Variants in IPMK observed in about 807,000 individuals in gnomAD.
IPMK encodes inositol 1,3,4,6-tetrakisphosphate 5-kinase.
IPMK carries 17 observed loss-of-function variants against 45.8 expected under a neutral mutation model. The observed-to-expected ratio is 0.37, with a 90% CI of 0.25 to 0.56. The LOEUF (loss-of-function observed/expected upper bound fraction) is 0.56, where lower values mean the gene tolerates loss of function less well. IPMK is among the 20% of genes least tolerant of loss of function. The pLI, the probability that IPMK is intolerant of heterozygous loss-of-function variation, is 0.79. For missense variants in IPMK, 399 were observed against 498.0 expected, an observed-to-expected ratio of 0.80 and a Z score of 1.89; for synonymous variants, 180 against 184.3, an observed-to-expected ratio of 0.98 and a Z score of 0.19.
chr10:58,265,430 T>G (rs1839134535), intron 1 of IPMK, among the ~76,000 whole-genome samples: 1 of 152,194 alleles, frequency 6.6e-6, no homozygotes, highest in Non-Finnish European at 1.5e-5. Context: ...ACATGACTTA[T>G]GACAGTGGAG....
chr10:58,229,047 A>G (rs1838465902), intron 2 of IPMK, among the ~76,000 whole-genome samples: 1 of 152,182 alleles, frequency 6.6e-6, no homozygotes, highest in Non-Finnish European at 1.5e-5. Context: ...ATGGAGAGTA[A>G]ATAAAATTCA....
intron 4 of IPMK, among the ~76,000 whole-genome samples, chr10:58,215,055 A>G (rs1348256410): frequency 6.6e-6 from 1 of 151,884 alleles, no homozygotes; most frequent in Admixed American, 6.6e-5. Flanking sequence ...AAGAACCCTT[A>G]TATTCCTCCT....
chr10:58,228,166 C>T (rs1838449736), intron 2 of IPMK, among the ~76,000 whole-genome samples: 1 of 152,134 alleles, frequency 6.6e-6, no homozygotes, highest in Admixed American at 6.5e-5. Flanking sequence ...CTATTCCTAG[C>T]ACAATGACCG....
chr10:58,197,204 G>A (rs1381460058), intron 5 of IPMK, among the ~76,000 whole-genome samples: 1 of 151,974 alleles, frequency 6.6e-6, no homozygotes, highest in African/African-American at 2.4e-5. Flanking sequence ...GGACGCTGAG[G>A]CAGGAGAATG....
chr10:58,200,497 A>G (rs1213974528), intron 4 of IPMK, among the ~76,000 whole-genome samples: 2 of 152,204 alleles, frequency 1.3e-5, no homozygotes, highest in Non-Finnish European at 2.9e-5. Flanking sequence ...AGCCAAGAAA[A>G]GTTAAAATAA....
chr10:58,260,099 T>C (rs1839039874), intron 1 of IPMK, among the ~76,000 whole-genome samples: 1 of 152,206 alleles, frequency 6.6e-6, no homozygotes, highest in Admixed American at 6.5e-5. Context: ...ACTGACATCC[T>C]ATGTCTTATG....
At chr10:58,219,568 T>G (rs1049195679) in intron 3 of IPMK, among the ~76,000 whole-genome samples, 3 of 152,208 alleles carry the variant, frequency 2.0e-5, no homozygotes, top group African/African-American at 7.2e-5. Context: ...CAGCCTCACT[T>G]ACAAAGCAAT....
intron 1 of IPMK, among the ~76,000 whole-genome samples, chr10:58,263,261 T>C (rs1208985648): frequency 6.6e-6 from 1 of 151,904 alleles, no homozygotes; most frequent in African/African-American, 2.4e-5. Context: ...CAGTGGTTCA[T>C]GCCTGTAATC....
At chr10:58,240,827 C>T (rs1304786878) in intron 1 of IPMK, among the ~76,000 whole-genome samples, 1 of 152,130 alleles carries the variant, frequency 6.6e-6, no homozygotes, top group Non-Finnish European at 1.5e-5. Context: ...AAGTTGCAAA[C>T]ACTTGCAGCA....
intron 3 of IPMK, among the ~76,000 whole-genome samples, chr10:58,226,214 C>T (rs557792113): frequency 6.6e-6 from 1 of 152,262 alleles, no homozygotes; most frequent in South Asian, 2.1e-4. Context: ...AAGACAAGAA[C>T]TGACAAAAGG....
intron 1 of IPMK, among the ~76,000 whole-genome samples, chr10:58,256,559 T>C (rs988330093): frequency 6.6e-6 from 1 of 152,212 alleles, no homozygotes; most frequent in Non-Finnish European, 1.5e-5. Context: ...CCTTCTGCCC[T>C]TGTAATCTTT....
intron 1 of IPMK, among the ~76,000 whole-genome samples, chr10:58,256,138 G>A (rs950645918): frequency 2.6e-5 from 4 of 152,138 alleles, no homozygotes; most frequent in Admixed American, 6.5e-5. Context: ...AATTTTCAGG[G>A]AACAAGGGAG....
At chr10:58,222,400 TAA>T (rs1838350083) in intron 3 of IPMK, among the ~76,000 whole-genome samples, 1 of 152,194 alleles carries the variant, frequency 6.6e-6, no homozygotes, top group Admixed American at 6.5e-5. Flanking sequence ...GTGTGTATCA[TAA>T]AGATAGCACA....
At chr10:58,249,959 T>C (rs1216984929) in intron 1 of IPMK, among the ~76,000 whole-genome samples, 5 of 152,360 alleles carry the variant, frequency 3.3e-5, no homozygotes, top group South Asian at 4.1e-4. Flanking sequence ...CCCCAATGTA[T>C]GTGGCTTAGC....
At chr10:58,213,095 C>T (rs1838189400) in intron 4 of IPMK, 1 of 153,080 alleles carries the variant, frequency 6.5e-6, no homozygotes, top group African/African-American at 2.4e-5. Flanking sequence ...GCCGGGAGCT[C>T]TGGGCGATGG....
intron 2 of IPMK, 49 bp from the exon 3 acceptor site, chr10:58,227,188 C>A (rs1197434617): frequency 8.1e-7 from 1 of 1,228,526 alleles, no homozygotes; most frequent in African/African-American, 1.5e-5. Flanking sequence ...TGCTTTGTAA[C>A]TGCCCTGCAC....
chr10:58,233,798 G>C (rs967936562), intron 2 of IPMK, among the ~76,000 whole-genome samples: 1 of 152,160 alleles, frequency 6.6e-6, no homozygotes, highest in Admixed American at 6.5e-5. Context: ...ATTCAACATA[G>C]TGTTGGGAGT....
intron 3 of IPMK, 64 bp from the exon 4 acceptor site, chr10:58,216,381 G>A: frequency 1.4e-6 from 1 of 692,560 alleles, no homozygotes; most frequent in Non-Finnish European, 2.1e-6. Context: ...GTACTTGCCA[G>A]GGAAAAACAA....
At chr10:58,205,793 TAAC>T (rs1838061372) in intron 4 of IPMK, among the ~76,000 whole-genome samples, 1 of 152,180 alleles carries the variant, frequency 6.6e-6, no homozygotes, top group Admixed American at 6.5e-5. Flanking sequence ...TTCATCCATG[TAAC>T]AACAACAAAA....
Sources: gnomAD v4.1 joint callset for allele counts (sites outside exome capture counted in the v4.1 genomes callset) on GRCh38, gnomAD v4.1.1 for gene constraint, MANE v1.5 for transcripts, NCBI Gene and HGNC (gene_info 2026-07-23, HGNC 2026-07-21) for gene names.